PRKG1: variants seen among roughly 807,000 people sequenced by gnomAD.
PRKG1 encodes the protein cGMP-dependent protein kinase 1.
PRKG1 carries 35 observed loss-of-function variants against 88.1 expected under a neutral mutation model. That is an observed-to-expected ratio of 0.40 (90% confidence interval 0.30 to 0.53). PRKG1 has a LOEUF of 0.53. PRKG1 is among the 20% of genes least tolerant of loss of function. The pLI, the probability that PRKG1 is intolerant of heterozygous loss-of-function variation, is 0.59. For missense variants in PRKG1, 540 were observed against 839.8 expected (o/e 0.64, Z 4.41); for synonymous variants, 303 against 292.5 (o/e 1.04, Z -0.37).
chr10:51,927,168 C>A (rs961665260), intron 5 of PRKG1, among the ~76,000 whole-genome samples: 54 of 152,110 alleles, frequency 3.6e-4, no homozygotes, highest in African/African-American at 1.3e-3. Context: ...TCCCATAATT[C>A]CCACATACTG....
chr10:52,242,791 G>T (rs1840900456), intron 9 of PRKG1, among the ~76,000 whole-genome samples: 1 of 152,004 alleles, frequency 6.6e-6, no homozygotes, highest in South Asian at 2.1e-4. Context: ...AGCTACTCAG[G>T]AGGCTGAGGC....
At chr10:52,292,823 T>C (rs1842283103) in intron 17 of PRKG1, among the ~76,000 whole-genome samples, 1 of 151,728 alleles carries the variant, frequency 6.6e-6, no homozygotes, top group Admixed American at 6.6e-5. Flanking sequence ...GGGCAAAAAC[T>C]GGAAGCATTC....
At chr10:51,366,018 G>A (rs778925580) in intron 2 of PRKG1, among the ~76,000 whole-genome samples, 33 of 152,006 alleles carry the variant, frequency 2.2e-4, no homozygotes, top group South Asian at 4.1e-4. Context: ...TTGGCAGATG[G>A]CATCATTTAT....
chr10:51,536,109 T>C (rs536126914), intron 3 of PRKG1, among the ~76,000 whole-genome samples: 2 of 152,262 alleles, frequency 1.3e-5, no homozygotes, highest in South Asian at 4.1e-4. Flanking sequence ...GGGGGTATGA[T>C]ACTAATGCGA....
intron 4 of PRKG1, among the ~76,000 whole-genome samples, chr10:51,904,599 A>C (rs1305927706): frequency 6.6e-6 from 1 of 152,148 alleles, no homozygotes; most frequent in African/African-American, 2.4e-5. Context: ...GTGTTTTCAC[A>C]GTAATTTATG....
At chr10:52,040,602 A>G (rs1318458987) in intron 5 of PRKG1, among the ~76,000 whole-genome samples, 1 of 152,152 alleles carries the variant, frequency 6.6e-6, no homozygotes, top group Non-Finnish European at 1.5e-5. Context: ...GTATATTTGC[A>G]TCAGAAATCT....
intron 2 of PRKG1, among the ~76,000 whole-genome samples, chr10:51,173,807 A>G (rs530936015): frequency 1.3e-4 from 19 of 151,970 alleles, no homozygotes; most frequent in Admixed American, 1.1e-3. Flanking sequence ...TGAGGTTTGT[A>G]TTTAAAATCA....
At chr10:51,267,969 A>G (rs1355141681) in intron 2 of PRKG1, among the ~76,000 whole-genome samples, 1 of 152,202 alleles carries the variant, frequency 6.6e-6, no homozygotes, top group Non-Finnish European at 1.5e-5. Context: ...AATATTTCAC[A>G]TAGGTTCTTT....
intron 2 of PRKG1, among the ~76,000 whole-genome samples, chr10:51,464,218 G>T (rs1247465326): frequency 1.3e-5 from 2 of 151,922 alleles, no homozygotes; most frequent in African/African-American, 4.8e-5. Flanking sequence ...AACCTGGGAG[G>T]CAGAGTTTGC....
chr10:51,979,249 T>G (rs1480947532), intron 5 of PRKG1, among the ~76,000 whole-genome samples: 1 of 151,960 alleles, frequency 6.6e-6, no homozygotes, highest in African/African-American at 2.4e-5. Flanking sequence ...ATTTATATGA[T>G]GAATCACAGT....
In PRKG1 at chr10:51,704,536, G is replaced by A. The variant is rs1435295687; in HGVS notation, c.593-100049G>A. On this transcript the variant is annotated intron_variant, in intron 3 of 17. Transcript: ENST00000373980. The stretch of plus-strand genomic sequence containing the variant: ...TGTTGCCATTTGATGAAATGGATAT[G>A]CAATAAAGTATGTAGAGATGGAAGA... Among the ~76,000 whole-genome samples, 3 of 152,154 alleles carry A rather than the reference G, an allele frequency of 2.0e-5. No individual in the cohort carries two copies. In the East Asian group the frequency reaches 5.8e-4, roughly 29 times the overall value.
intron 9 of PRKG1, among the ~76,000 whole-genome samples, chr10:52,176,054 C>A (rs892306628): frequency 2.0e-5 from 3 of 151,570 alleles, no homozygotes; most frequent in Admixed American, 1.3e-4. Context: ...AGGCCTTATT[C>A]AAAAAATCTT....
Position 52,022,318 on chromosome 10 carries a change from G to A in PRKG1, c.763-32166G>A, listed in dbSNP as rs905632903. ...GGGTTTCTTGGGACATAACCCCATCGTAAGTCACAGAGCCTCTGTATTGCG... is the reference window on the plus strand; with the variant it reads ...GGGTTTCTTGGGACATAACCCCATCATAAGTCACAGAGCCTCTGTATTGCG... On this transcript the variant is annotated intron_variant, in intron 5 of 17. Coordinates refer to ENST00000373980, the MANE Select transcript of PRKG1 (RefSeq NM_006258.4). Among the ~76,000 whole-genome samples, 6 of 152,112 alleles carry A rather than the reference G, an allele frequency of 3.9e-5. No individual in the cohort carries two copies. In the South Asian group the frequency reaches 6.2e-4, roughly 16 times the overall value.
chr10:51,113,502 A>G (rs1455190114), intron 1 of PRKG1, among the ~76,000 whole-genome samples: 1 of 152,176 alleles, frequency 6.6e-6, no homozygotes, highest in African/African-American at 2.4e-5. Flanking sequence ...TGTTCCTCAC[A>G]GGAAAGAAAA....
chr10:51,325,026 A>G (rs1269903152), intron 2 of PRKG1, among the ~76,000 whole-genome samples: 2 of 152,118 alleles, frequency 1.3e-5, no homozygotes, highest in East Asian at 3.9e-4. Context: ...CTTTCTTTAC[A>G]TCCTCTCCAG....
In PRKG1 at chr10:51,449,521, C is replaced by A. The variant is rs575059332; in HGVS notation, c.479-18202C>A. ...AGGACTTCAAAGTCTGTTAGGATAA[C>A]ATTAAAAATAAAGGCCCAAGGCTAG... On this transcript the variant is annotated intron_variant, in intron 2 of 17. Coordinates refer to ENST00000373980, the MANE Select transcript of PRKG1 (RefSeq NM_006258.4). Among the ~76,000 whole-genome samples the A allele has an allele frequency of 2.0e-5, 3 of 146,864 alleles. No homozygotes were observed. The Admixed American group carries it at 2.0e-4, about 10-fold the overall frequency.
chr10:52,019,100 G>A (rs1324936684), intron 5 of PRKG1, among the ~76,000 whole-genome samples: 7 of 152,272 alleles, frequency 4.6e-5, no homozygotes, highest in Admixed American at 6.5e-5. Context: ...GTGCAAAGGC[G>A]TAGGGGGAGG....
At chr10:51,600,151 T>C (rs1210252769) in intron 3 of PRKG1, among the ~76,000 whole-genome samples, 1 of 152,200 alleles carries the variant, frequency 6.6e-6, no homozygotes, top group Non-Finnish European at 1.5e-5. Context: ...CTTTGTTTCA[T>C]GATTTACTTC....
rs918333687 is a variant in PRKG1 at position 52,294,461 on chromosome 10, C to T, written c.*561C>T. Reference sequence around the variant, plus strand: ...GAAGTTTCATGATTTTATTTCCCAGCAGTGCTGATGACAAGACTGAATGTT... The same window carrying T: ...GAAGTTTCATGATTTTATTTCCCAGTAGTGCTGATGACAAGACTGAATGTT... On this transcript the variant is annotated 3_prime_UTR_variant, in exon 18 of 18. Transcript: ENST00000373980. The T allele has an allele frequency of 3.9e-5, 6 of 152,592 alleles. No homozygotes were observed. Among genetic ancestry groups the T allele is most frequent in the African/African-American group, 1.4e-4 (6 of 41,534 alleles). The allele number at this position is 152,592 out of a possible 1,614,324, so 9.5% of individuals were successfully genotyped here.
Sources: gnomAD v4.1 joint callset for allele counts (sites outside exome capture counted in the v4.1 genomes callset) on GRCh38, gnomAD v4.1.1 for gene constraint, MANE v1.5 for transcripts, NCBI Gene and HGNC (gene_info 2026-07-23, HGNC 2026-07-21) for gene names.